The following CYRIB variants were observed in gnomAD, a reference collection of about 807,000 sequenced individuals.
CYRIB encodes CYFIP-related Rac1 interactor B.
In CYRIB, 8 loss-of-function variants were observed where a neutral mutation model predicts 44.2. The ratio of observed to expected loss-of-function variants is 0.18; its 90% CI spans 0.11 to 0.33. The LOEUF (loss-of-function observed/expected upper bound fraction) is 0.33. Ranked by LOEUF, CYRIB falls within the 10% of genes least tolerant of loss-of-function variation. The pLI, the probability that CYRIB is intolerant of heterozygous loss-of-function variation, is 1.00. For missense variants in CYRIB, 185 were observed against 382.8 expected, an observed-to-expected ratio of 0.48 and a Z score of 4.31; for synonymous variants, 131 against 127.2, an observed-to-expected ratio of 1.03 and a Z score of -0.20.
chr8:129,847,040 T>G, intron 10 of CYRIB, 166 bp from the exon 13 acceptor site: 1 of 499,782 alleles, frequency 2.0e-6, no homozygotes, highest in Non-Finnish European at 3.5e-6. Flanking sequence ...CTAAGAGTTA[T>G]TATTCTCACT....
At chr8:129,889,121 T>G (rs1202564361) in intron 2 of CYRIB, among the ~76,000 whole-genome samples, 1 of 152,030 alleles carries the variant, frequency 6.6e-6, no homozygotes, top group East Asian at 1.9e-4. Flanking sequence ...CCTAGGACCC[T>G]TAAGAATTAT....
At chr8:130,016,552 G>C (rs1295891333), upstream of CYRIB, 1 of 156,516 alleles carries the variant, frequency 6.4e-6, no homozygotes, top group Non-Finnish European at 1.4e-5. Flanking sequence ...TGCCAGGCGA[G>C]AAATAACTAT....
At chr8:129,925,127 A>G (rs111344376) in intron 1 of CYRIB, among the ~76,000 whole-genome samples, 8,612 of 152,132 alleles carry the variant, frequency 0.057, 816 homozygotes, top group African/African-American at 0.19. Context: ...GCCGGGAGCG[A>G]TGGCTCATAG....
At chr8:129,927,935 CGGAA>C in intron 1 of CYRIB, among the ~76,000 whole-genome samples, 1 of 152,046 alleles carries the variant, frequency 6.6e-6, no homozygotes, top group Non-Finnish European at 1.5e-5. Context: ...CGGAGACTAC[CGGAA>C]ATCCACAGGC....
chr8:130,009,064 C>G (rs1197271860), intron 1 of CYRIB, among the ~76,000 whole-genome samples: 1 of 152,178 alleles, frequency 6.6e-6, no homozygotes, highest in Non-Finnish European at 1.5e-5. Flanking sequence ...CCACAACAAG[C>G]TGGAAAACAG....
chr8:129,906,433 C>T (rs1282376945), intron 1 of CYRIB, among the ~76,000 whole-genome samples: 3 of 152,292 alleles, frequency 2.0e-5, no homozygotes, highest in African/African-American at 7.2e-5. Flanking sequence ...CTTCCTTACA[C>T]CTTATACAAA....
intron 2 of CYRIB, among the ~76,000 whole-genome samples, chr8:129,966,691 C>T (rs1384655405): frequency 6.6e-6 from 1 of 151,836 alleles, no homozygotes; most frequent in Non-Finnish European, 1.5e-5. Flanking sequence ...ATAAATTTTA[C>T]TTTATTTTTA....
rs2096129389 is a variant in CYRIB, at chr8:129,979,771, A to T, written c.-295-8776T>A. Among the ~76,000 whole-genome samples, 3 of 152,010 alleles carry T rather than the reference A, an allele frequency of 2.0e-5. No homozygotes were observed. In the South Asian group the frequency reaches 6.2e-4, roughly 32 times the overall value. On this transcript the variant is annotated intron_variant, in intron 1 of 14. Transcript: ENST00000401979. The stretch of plus-strand genomic sequence containing the variant: ...TCTCTACTAATAATACAAAAAAAAA[A>T]TTGGCCTGGCATGGTGGCAGGCACC...
chr8:129,868,238 G>T (rs138557095), intron 4 of CYRIB, among the ~76,000 whole-genome samples: 1 of 151,912 alleles, frequency 6.6e-6, no homozygotes, highest in Admixed American at 6.6e-5. Flanking sequence ...CATTAAACCT[G>T]CATCAACTTC....
At chr8:129,849,970 T>C (rs960650584) in intron 9 of CYRIB, 7 of 152,252 alleles carry the variant, frequency 4.6e-5, no homozygotes, top group African/African-American at 1.4e-4. Flanking sequence ...AAAAAGAAAA[T>C]TGAACTTTTA....
intron 8 of CYRIB, 44 bp downstream of exon 10, chr8:129,852,118 G>A (rs562181370): frequency 1.7e-6 from 2 of 1,195,546 alleles, no homozygotes; most frequent in Non-Finnish European, 2.3e-6. Context: ...CTGCCAACAG[G>A]GGCATAAATA....
chr8:129,958,256 TTC>T (rs1459107151), intron 2 of CYRIB, among the ~76,000 whole-genome samples: 1 of 150,212 alleles, frequency 6.7e-6, no homozygotes, highest in East Asian at 1.9e-4. Flanking sequence ...AAAAGAGCCT[TTC>T]CACTGGGCAG....
chr8:129,843,692 A>AT (rs2037932271), intron 11 of CYRIB, among the ~76,000 whole-genome samples: 1 of 152,222 alleles, frequency 6.6e-6, no homozygotes, highest in Non-Finnish European at 1.5e-5. Context: ...GTGTGTCACC[A>AT]TGCCCAGCTA....
chr8:129,903,725 T>C (rs569933393), intron 1 of CYRIB, among the ~76,000 whole-genome samples: 1 of 152,342 alleles, frequency 6.6e-6, no homozygotes, highest in African/African-American at 2.4e-5. Context: ...CCTAAAACTA[T>C]GAAAAGAGGC....
chr8:129,959,708 T>G (rs989278030), intron 2 of CYRIB, among the ~76,000 whole-genome samples: 1 of 152,210 alleles, frequency 6.6e-6, no homozygotes, highest in African/African-American at 2.4e-5. Flanking sequence ...TCTACTCCAC[T>G]CCTTCCCCAT....
chr8:129,977,851 A>C (rs1196693933), intron 1 of CYRIB, among the ~76,000 whole-genome samples: 1 of 152,280 alleles, frequency 6.6e-6, no homozygotes, highest in South Asian at 2.1e-4. Context: ...TCTTTCAATG[A>C]GATCATAAGC....
intron 2 of CYRIB, among the ~76,000 whole-genome samples, chr8:129,959,698 T>C (rs746966439): frequency 1.4e-4 from 21 of 152,122 alleles, no homozygotes; most frequent in Admixed American, 2.6e-4. Context: ...TCCTACCACA[T>C]CTACTCCACT....
intron 5 of CYRIB, among the ~76,000 whole-genome samples, chr8:129,856,874 G>GTC (rs1168388859): frequency 6.6e-6 from 1 of 152,154 alleles, no homozygotes; most frequent in Non-Finnish European, 1.5e-5. Flanking sequence ...ACAATAAACT[G>GTC]TCTCTGAAAT....
At chr8:129,862,284 T>A (rs2050156761) in exon 5 of CYRIB, 2 of 1,613,794 alleles carry the variant, frequency 1.2e-6, no homozygotes, top group Admixed American at 1.7e-5. Flanking sequence ...GTGGAACAAC[T>A]GCACCCCATG....
Sources: gnomAD v4.1 joint callset for allele counts (sites outside exome capture counted in the v4.1 genomes callset) on GRCh38, gnomAD v4.1.1 for gene constraint, MANE v1.5 for transcripts, NCBI Gene and HGNC (gene_info 2026-07-23, HGNC 2026-07-21) for gene names.